The following OPCML variants were observed in gnomAD, a reference collection of about 807,000 sequenced individuals.
OPCML encodes the protein opioid binding protein/cell adhesion molecule like.
A neutral mutation model predicts 37.8 loss-of-function variants in OPCML; 13 were observed. The ratio of observed to expected loss-of-function variants is 0.34; its 90% CI spans 0.22 to 0.55. The LOEUF is 0.55. OPCML is among the 20% of genes least tolerant of loss of function. The pLI is 0.91. For synonymous variants in OPCML, 176 were observed against 168.8 expected, an observed-to-expected ratio of 1.04 and a Z score of -0.33; for missense variants, 341 against 435.6, an observed-to-expected ratio of 0.78 and a Z score of 1.93.
intron 3 of OPCML, among the ~76,000 whole-genome samples, chr11:132,573,631 G>A (rs1474842110): frequency 2.0e-5 from 3 of 152,000 alleles, no homozygotes; most frequent in Non-Finnish European, 4.4e-5. Context: ...AATTTGGTTT[G>A]CTAACATTTT....
chr11:133,171,409 C>T (rs997059894), intron 1 of OPCML, among the ~76,000 whole-genome samples: 2 of 152,220 alleles, frequency 1.3e-5, no homozygotes, highest in African/African-American at 4.8e-5. Context: ...TGAAGGGCAA[C>T]CGTGTGCCAC....
intron 1 of OPCML, among the ~76,000 whole-genome samples, chr11:133,230,517 A>G (rs1231203752): frequency 6.6e-6 from 1 of 152,144 alleles, no homozygotes; most frequent in Non-Finnish European, 1.5e-5. Context: ...CTGAAACAAG[A>G]GGTTTTCTCT....
chr11:132,910,393 C>T (rs1034909650), intron 2 of OPCML, among the ~76,000 whole-genome samples: 7 of 152,236 alleles, frequency 4.6e-5, no homozygotes, highest in African/African-American at 1.4e-4. Context: ...GGTAATTACA[C>T]GGCCGAGAGT....
intron 4 of OPCML, among the ~76,000 whole-genome samples, chr11:132,454,717 C>T (rs1392939625): frequency 1.3e-5 from 2 of 152,162 alleles, no homozygotes; most frequent in African/African-American, 4.8e-5. Context: ...GCCTTCAGAT[C>T]CAATCTAGCC....
At chr11:133,322,797 C>T (rs1233504419) in intron 1 of OPCML, among the ~76,000 whole-genome samples, 1 of 152,154 alleles carries the variant, frequency 6.6e-6, no homozygotes, top group East Asian at 1.9e-4. Context: ...GTTTTTAGTT[C>T]AAGCTGTCAT....
chr11:132,723,199 C>A (rs1944739749), intron 2 of OPCML, among the ~76,000 whole-genome samples: 1 of 152,208 alleles, frequency 6.6e-6, no homozygotes, highest in African/African-American at 2.4e-5. Context: ...ATATAAAAAA[C>A]AACCATAGCA....
chr11:133,104,039 G>A (rs553976265), intron 1 of OPCML, among the ~76,000 whole-genome samples: 3 of 152,262 alleles, frequency 2.0e-5, no homozygotes, highest in Non-Finnish European at 2.9e-5. Flanking sequence ...AGAGTTACAG[G>A]CTGAGACAAT....
At chr11:132,533,379 C>T (rs1330968100) in intron 3 of OPCML, among the ~76,000 whole-genome samples, 10 of 152,102 alleles carry the variant, frequency 6.6e-5, no homozygotes, top group African/African-American at 2.4e-4. Flanking sequence ...TATAGCAAGA[C>T]AGATGATACA....
intron 1 of OPCML, among the ~76,000 whole-genome samples, chr11:133,359,770 T>A (rs971684853): frequency 6.6e-6 from 1 of 152,216 alleles, no homozygotes; most frequent in Non-Finnish European, 1.5e-5. Context: ...ATGGAGCATA[T>A]TTAACTTATC....
chr11:132,463,975 A>C (rs1338993077), intron 4 of OPCML, among the ~76,000 whole-genome samples: 3 of 152,220 alleles, frequency 2.0e-5, no homozygotes, highest in Admixed American at 1.3e-4. Context: ...CATCCTGTAA[A>C]TGGAAATAAT....
Position 133,070,384 on chromosome 11 carries a change from G to C in OPCML, c.62-127374C>G, listed in dbSNP as rs745628887. Among the ~76,000 whole-genome samples, 2 of 152,156 alleles carry C rather than the reference G, an allele frequency of 1.3e-5. 1 individual carries two copies. The highest frequency in any genetic ancestry group is 2.9e-5 in the Non-Finnish European group (2 of 68,038). On this transcript the variant is annotated intron_variant, in intron 1 of 7. Transcript: ENST00000524381. ...CGGAACCCCCTTGGCCCTTCTGCTA[G>C]TTGGTAAATTCTCCCACCCTGGTCC...
intron 1 of OPCML, among the ~76,000 whole-genome samples, chr11:133,123,945 C>T (rs1007842462): frequency 6.6e-6 from 1 of 151,958 alleles, no homozygotes; most frequent in Non-Finnish European, 1.5e-5. Flanking sequence ...CAGAGCCACC[C>T]CCAAGAAGTT....
At chr11:133,421,072 G>A (rs1038801928) in intron 1 of OPCML, 5 of 985,360 alleles carry the variant, frequency 5.1e-6, no homozygotes, top group African/African-American at 1.7e-5. Flanking sequence ...GTAGATTATT[G>A]GAGGGCAAAC....
intron 2 of OPCML, among the ~76,000 whole-genome samples, chr11:132,769,573 T>G (rs1338430089): frequency 1.3e-5 from 2 of 152,198 alleles, no homozygotes; most frequent in Non-Finnish European, 2.9e-5. Flanking sequence ...AATTCTCTTT[T>G]CAATATCTGC....
chr11:133,260,122 G>C (rs758254486), intron 1 of OPCML, among the ~76,000 whole-genome samples: 2 of 151,822 alleles, frequency 1.3e-5, no homozygotes, highest in East Asian at 1.9e-4. Flanking sequence ...TGTGGCTCTC[G>C]GGGGACAGAG....
intron 1 of OPCML, among the ~76,000 whole-genome samples, chr11:133,384,721 A>G (rs940089372): frequency 3.9e-5 from 6 of 152,182 alleles, no homozygotes; most frequent in Admixed American, 3.9e-4. Context: ...CAGCCTCAAT[A>G]GAGACATGTC....
intron 1 of OPCML, among the ~76,000 whole-genome samples, chr11:133,305,408 T>C (rs1005842175): frequency 3.9e-5 from 6 of 152,304 alleles, no homozygotes; most frequent in Admixed American, 3.3e-4. Flanking sequence ...TAAAGAGCCT[T>C]CCCTTCAGCT....
chr11:133,499,615 G>T (rs1426838317), intron 1 of OPCML, among the ~76,000 whole-genome samples: 1 of 151,764 alleles, frequency 6.6e-6, no homozygotes, highest in Non-Finnish European at 1.5e-5. Flanking sequence ...CTCTCTGATG[G>T]ATTTGGGAGA....
intron 1 of OPCML, among the ~76,000 whole-genome samples, chr11:133,042,494 T>C (rs1947922246): frequency 6.6e-6 from 1 of 152,132 alleles, no homozygotes; most frequent in Non-Finnish European, 1.5e-5. Flanking sequence ...CAGTAGGGAA[T>C]GTAAGTGCTG....
Sources: allele counts gnomAD v4.1 joint callset (sites outside exome capture counted in the v4.1 genomes callset), GRCh38; gene constraint gnomAD v4.1.1; transcripts MANE v1.5; gene names NCBI Gene and HGNC (gene_info 2026-07-23, HGNC 2026-07-21).